Variants in MIX23 observed in about 807,000 individuals in gnomAD.
MIX23 encodes the protein protein MIX23.
A neutral mutation model predicts 21.6 loss-of-function variants in MIX23; 13 were observed. That is an observed-to-expected ratio of 0.60 (90% confidence interval 0.39 to 0.96). The LOEUF (loss-of-function observed/expected upper bound fraction) is 0.96, where lower values mean the gene tolerates loss of function less well. Ranked by LOEUF, MIX23 falls within the 40% of genes least tolerant of loss-of-function variation. The probability of loss-of-function intolerance (pLI) is 0.00; values close to 1 mark genes in which losing one functional copy is unlikely to be tolerated. For synonymous variants in MIX23, 59 were observed against 58.0 expected (o/e 1.02, Z -0.08); for missense variants, 144 against 171.2 (o/e 0.84, Z 0.89).
At chr3:122,361,297 GC>G (rs1164689512) in intron 4 of MIX23, among the ~76,000 whole-genome samples, 1 of 152,068 alleles carries the variant, frequency 6.6e-6, no homozygotes, top group African/African-American at 2.4e-5. Context: ...ACTCTGTCTA[GC>G]CCTTTTGTCT....
At chr3:122,375,162 A>G (rs1329512547) in intron 1 of MIX23, among the ~76,000 whole-genome samples, 1 of 152,212 alleles carries the variant, frequency 6.6e-6, no homozygotes, top group Non-Finnish European at 1.5e-5. Context: ...AAAAACTGGT[A>G]GCAGTAGAAT....
chr3:122,360,058 T>A, intron 4 of MIX23, 139 bp from the exon 5 acceptor site: 3 of 837,954 alleles, frequency 3.6e-6, no homozygotes, highest in Non-Finnish European at 5.7e-6. Flanking sequence ...CAGAAGAGTT[T>A]CCTCAGCAGT....
rs566616977 is a variant in MIX23 at position 122,360,620 on chromosome 3, A to C, written c.385-701T>G. Among the ~76,000 whole-genome samples, 11 of 152,254 alleles carry C rather than the reference A, an allele frequency of 7.2e-5. No individual in the cohort carries two copies. The East Asian group carries it at 2.1e-3, about 29-fold the overall frequency. ...TTTAAAACATTTTTAATATTAAAAA[A>C]ATTTAAATCATGTCAAAAATTTTAA... On this transcript the variant is annotated intron_variant, in intron 4 of 4. Coordinates refer to ENST00000291458, the MANE Select transcript of MIX23 (RefSeq NM_001017928.4).
At chr3:122,376,833 T>TG (rs1479734980) in intron 1 of MIX23, among the ~76,000 whole-genome samples, 11 of 151,800 alleles carry the variant, frequency 7.2e-5, no homozygotes, top group Admixed American at 7.2e-4. Context: ...AGGAGGAAGG[T>TG]GGGGGGTGAA....
intron 3 of MIX23, among the ~76,000 whole-genome samples, chr3:122,364,243 A>C (rs1392365599): frequency 6.6e-6 from 1 of 152,240 alleles, no homozygotes; most frequent in Non-Finnish European, 1.5e-5. Context: ...AGGCCTGTAC[A>C]TATGGCTAGA....
intron 2 of MIX23, among the ~76,000 whole-genome samples, chr3:122,369,108 C>T (rs1226006269): frequency 1.3e-5 from 2 of 152,138 alleles, no homozygotes; most frequent in East Asian, 3.8e-4. Flanking sequence ...TGATAATACC[C>T]CAAAATCTGC....
intron 1 of MIX23, among the ~76,000 whole-genome samples, chr3:122,378,727 CACTG>C (rs1255180182): frequency 6.6e-6 from 1 of 152,184 alleles, no homozygotes; most frequent in African/African-American, 2.4e-5. Flanking sequence ...TGTAGTCAGT[CACTG>C]ACTGAAACAT....
Position 122,359,677 on chromosome 3 carries a change from C to T in MIX23, c.*192G>A, listed in dbSNP as rs1334214336. On this transcript the variant is annotated 3_prime_UTR_variant, in exon 5 of 5. Coordinates refer to ENST00000291458, the MANE Select transcript of MIX23 (RefSeq NM_001017928.4). Reference sequence around the variant, plus strand: ...ATCAGTATAAAATAGCAGTTGATTTCTCCATAATTATCAGAATTATTTATA... The same window carrying T: ...ATCAGTATAAAATAGCAGTTGATTTTTCCATAATTATCAGAATTATTTATA... 11 of 330,484 alleles carry T rather than the reference C, an allele frequency of 3.3e-5. No individual in the cohort carries two copies. Among genetic ancestry groups the T allele is most frequent in the Non-Finnish European group, 5.6e-5 (11 of 195,194 alleles). The allele number at this position is 330,484 out of a possible 1,614,324, so 20.5% of individuals were successfully genotyped here.
rs760534700 is a variant in MIX23, at chr3:122,369,973, C to G, written c.178-1651G>C. On this transcript the variant is annotated intron_variant, in intron 2 of 4. Transcript: ENST00000291458. ...CCATGTCACCCAGGCTTGTCTTGAA[C>G]TCCTGGACTCAAGTGATCCTCTCAC... is the stretch of plus-strand genomic sequence containing the variant. Among the ~76,000 whole-genome samples, 18 of 152,264 alleles carry G rather than the reference C, an allele frequency of 1.2e-4. 1 individual carries two copies. The Middle Eastern group carries it at 0.01, about 86-fold the overall frequency.
intron 1 of MIX23, among the ~76,000 whole-genome samples, chr3:122,375,966 A>G (rs1044878217): frequency 6.6e-6 from 1 of 152,106 alleles, no homozygotes; most frequent in Non-Finnish European, 1.5e-5. Context: ...GTTCGAGATC[A>G]GCCTGACCAA....
At chr3:122,381,836 C>T (rs2107690610) in intron 1 of MIX23, among the ~76,000 whole-genome samples, 1 of 151,892 alleles carries the variant, frequency 6.6e-6, no homozygotes, top group African/African-American at 2.4e-5. Flanking sequence ...GGTGAGAAAG[C>T]AGCCATTTAC....
intron 3 of MIX23, among the ~76,000 whole-genome samples, chr3:122,364,242 C>CACA (rs1443124223): frequency 1.3e-5 from 2 of 152,218 alleles, no homozygotes; most frequent in African/African-American, 4.8e-5. Flanking sequence ...TAGGCCTGTA[C>CACA]ATATGGCTAG....
At chr3:122,375,213 G>C (rs999280274) in intron 1 of MIX23, among the ~76,000 whole-genome samples, 4 of 152,160 alleles carry the variant, frequency 2.6e-5, no homozygotes, top group Admixed American at 6.5e-5. Context: ...TTTGAAGATA[G>C]AGCTAACAGA....
At chr3:122,368,409 T>C (rs1020537496) in intron 2 of MIX23, 87 bp from the exon 3 acceptor site, 112 of 1,305,822 alleles carry the variant, frequency 8.6e-5, no homozygotes, top group East Asian at 5.8e-4. Flanking sequence ...CTTGAGACTA[T>C]AGAAATTCAA....
chr3:122,362,268 G>C (rs1449725252), intron 4 of MIX23, among the ~76,000 whole-genome samples: 2 of 152,090 alleles, frequency 1.3e-5, no homozygotes, highest in Non-Finnish European at 2.9e-5. Context: ...AACCGTATAG[G>C]TTACCTAATG....
chr3:122,365,358 CAGTT>C (rs2075388698), intron 3 of MIX23: 1 of 152,024 alleles, frequency 6.6e-6, no homozygotes, highest in Non-Finnish European at 1.5e-5. Context: ...TTGGGGGTGT[CAGTT>C]AGTATCTCAA....
At chr3:122,369,291 T>C (rs1431530388) in intron 2 of MIX23, among the ~76,000 whole-genome samples, 2 of 152,218 alleles carry the variant, frequency 1.3e-5, no homozygotes, top group African/African-American at 4.8e-5. Context: ...CTTTTGAGAT[T>C]TGAAATTTCT....
At chr3:122,366,234 C>T (rs1277264503) in intron 3 of MIX23, among the ~76,000 whole-genome samples, 1 of 151,568 alleles carries the variant, frequency 6.6e-6, no homozygotes, top group African/African-American at 2.4e-5. Flanking sequence ...AATCTATATG[C>T]CTTCATGAAC....
intron 4 of MIX23, among the ~76,000 whole-genome samples, chr3:122,361,313 A>G (rs530010855): frequency 1.3e-5 from 2 of 152,326 alleles, no homozygotes; most frequent in African/African-American, 4.8e-5. Flanking sequence ...TTGTCTTACA[A>G]TTCATCTCAC....
Sources: allele counts gnomAD v4.1 joint callset (sites outside exome capture counted in the v4.1 genomes callset), GRCh38; gene constraint gnomAD v4.1.1; transcripts MANE v1.5; gene names NCBI Gene and HGNC (gene_info 2026-07-23, HGNC 2026-07-21).